The following TBC1D14 variants were observed in gnomAD, a reference collection of about 807,000 sequenced individuals.
TBC1D14 encodes the protein TBC1 domain family member 14, also known as TBC1 domain family, member 14.
A neutral mutation model predicts 79.0 loss-of-function variants in TBC1D14; 26 were observed. The ratio of observed to expected loss-of-function variants is 0.33; its 90% CI spans 0.24 to 0.46. TBC1D14 has a LOEUF of 0.46. Among genes scored for constraint, TBC1D14 ranks in the 20% least tolerant of loss-of-function variants. The probability of loss-of-function intolerance (pLI) is 1.00; values close to 1 mark genes in which losing one functional copy is unlikely to be tolerated. For missense variants in TBC1D14, 769 were observed against 887.6 expected (o/e 0.87, Z 1.70); for synonymous variants, 394 against 349.9 (o/e 1.13, Z -1.40).
At chr4:7,022,775 G>A (rs1014075870) in intron 12 of TBC1D14, among the ~76,000 whole-genome samples, 11 of 152,026 alleles carry the variant, frequency 7.2e-5, no homozygotes, top group African/African-American at 2.7e-4. Context: ...TTCATTACCT[G>A]TCTAGAGTAA....
At chr4:7,024,819 G>C (rs1722183094) in intron 12 of TBC1D14, among the ~76,000 whole-genome samples, 185 bp from the exon 13 acceptor site, 1 of 152,222 alleles carries the variant, frequency 6.6e-6, no homozygotes, top group African/African-American at 2.4e-5. Context: ...TGCGGAAGCT[G>C]ATAGTGCTGT....
At chr4:6,952,879 A>T (rs1714172220) in intron 2 of TBC1D14, among the ~76,000 whole-genome samples, 1 of 151,432 alleles carries the variant, frequency 6.6e-6, no homozygotes. Context: ...ATGGAGTCTC[A>T]CTCTGTCGCC....
intron 2 of TBC1D14, chr4:6,954,135 G>C: frequency 1.6e-6 from 1 of 607,888 alleles, no homozygotes; most frequent in Non-Finnish European, 3.0e-6. Flanking sequence ...CTTTCCGCCG[G>C]CCTGCTGGGT....
At chr4:6,987,304 G>A (rs1197542724) in intron 3 of TBC1D14, 5 of 1,385,968 alleles carry the variant, frequency 3.6e-6, no homozygotes, top group Non-Finnish European at 4.7e-6. Context: ...CCGCTCGCTG[G>A]GCATGGAGCC....
At chr4:6,979,551 T>C (rs945992710) in intron 3 of TBC1D14, among the ~76,000 whole-genome samples, 5 of 151,726 alleles carry the variant, frequency 3.3e-5, no homozygotes, top group African/African-American at 4.8e-5. Context: ...AGCCCAGGAG[T>C]TTGAGGTTAC....
intron 5 of TBC1D14, among the ~76,000 whole-genome samples, chr4:6,997,612 C>T (rs528991350): frequency 3.3e-5 from 5 of 151,834 alleles, no homozygotes; most frequent in South Asian, 2.1e-4. Flanking sequence ...GGTGACAGAG[C>T]GAGACTCCAT....
At chr4:6,919,724 G>A (rs1723685793) in intron 1 of TBC1D14, among the ~76,000 whole-genome samples, 1 of 151,760 alleles carries the variant, frequency 6.6e-6, no homozygotes, top group South Asian at 2.1e-4. Flanking sequence ...GGGTTCAAGC[G>A]ATTCTCCTGC....
rs369942316 is a variant in TBC1D14 at position 6,929,588 on chromosome 4, C to T, written c.722+5477C>T. Among the ~76,000 whole-genome samples the T allele has an allele frequency of 4.6e-5, 7 of 152,044 alleles. No homozygotes were observed. The South Asian group carries it at 1.5e-3, about 32-fold the overall frequency. On this transcript the variant is annotated intron_variant, in intron 2 of 13. Transcript: ENST00000409757. ...GAGCCCAGCCTTCCTGGGAAGGTGC[C>T]GTAGCATGAGGCGCTCAGGAGGGGC...
At position 7,031,607 on chromosome 4, in the gene TBC1D14, C is replaced by T. The variant is rs1320101821; in HGVS notation, c.*1215C>T. 2.6e-5 allele frequency: 4 copies of T among 152,186 alleles called. No individual in the cohort carries two copies. Among genetic ancestry groups the T allele is most frequent in the Non-Finnish European group, 2.9e-5 (2 of 68,036 alleles). 9.4% of individuals were successfully genotyped at this position (152,186 alleles called of 1,614,324 possible). A position where few individuals can be genotyped will look rare whatever the true frequency, so the allele number is the denominator to read the frequency against. On this transcript the variant is annotated 3_prime_UTR_variant, in exon 14 of 14. Transcript: ENST00000409757. The stretch of plus-strand genomic sequence containing the variant: ...GGTTATCCAAAATCACAGAAATGAA[C>T]CGTTTTGCAGCTGCGCAGTCTAAAG...
intron 12 of TBC1D14, among the ~76,000 whole-genome samples, chr4:7,016,350 T>C (rs1721276140): frequency 6.6e-6 from 1 of 152,144 alleles, no homozygotes; most frequent in Non-Finnish European, 1.5e-5. Context: ...ATTCAGCAAA[T>C]GGTGATTTTC....
At chr4:6,929,988 A>G (rs1577473712) in intron 2 of TBC1D14, among the ~76,000 whole-genome samples, 1 of 152,246 alleles carries the variant, frequency 6.6e-6, no homozygotes, top group Non-Finnish European at 1.5e-5. Context: ...TCTAAAAAAG[A>G]CAACACCCTG....
At chr4:7,012,477 CATT>C (rs1206929466) in intron 11 of TBC1D14, among the ~76,000 whole-genome samples, 31 of 152,068 alleles carry the variant, frequency 2.0e-4, no homozygotes, top group African/African-American at 6.3e-4. Flanking sequence ...GTGGACAAAG[CATT>C]ATGCACAAAG....
chr4:6,925,273 A>G (rs943410263), intron 2 of TBC1D14, among the ~76,000 whole-genome samples: 19 of 151,722 alleles, frequency 1.3e-4, no homozygotes, highest in African/African-American at 4.3e-4. Context: ...TCTCAAAAAA[A>G]CAAACAAACA....
At position 6,996,404 on chromosome 4, in the gene TBC1D14, C is replaced by T. The variant is rs1719047862; in HGVS notation, c.1042C>T (p.Arg348Ter). Residue 348 changes from arginine (R) to a stop codon, truncating the protein, a stop_gained, in exon 5 of 14, where the codon CGA becomes TGA. Coordinates refer to ENST00000409757, the MANE Select transcript of TBC1D14 (RefSeq NM_020773.3). LOFTEE classifies it high-confidence loss of function. Reference sequence around the variant, plus strand: ...AGAAATGGTGGTTCAGGCCAAAAAGCGAGGTAATGGGGTTCACACTTGATG... The same window carrying T: ...AGAAATGGTGGTTCAGGCCAAAAAGTGAGGTAATGGGGTTCACACTTGATG... ...YEEMVVQAKK[R>*]ELKEAQRRKK... 5 of 1,612,622 alleles carry T rather than the reference C, an allele frequency of 3.1e-6. No individual in the cohort carries two copies. The highest frequency in any genetic ancestry group is 4.2e-6 in the Non-Finnish European group (5 of 1,178,916).
intron 3 of TBC1D14, among the ~76,000 whole-genome samples, chr4:6,970,282 G>A (rs1191319866): frequency 6.6e-6 from 1 of 152,190 alleles, no homozygotes; most frequent in Non-Finnish European, 1.5e-5. Context: ...GCTCTGCTAC[G>A]GTTTGGTTGT....
chr4:6,940,296 C>G (rs906616928), intron 2 of TBC1D14, among the ~76,000 whole-genome samples: 1 of 152,202 alleles, frequency 6.6e-6, no homozygotes, highest in Non-Finnish European at 1.5e-5. Context: ...GTTGTTCAGC[C>G]CTGGTCTGTG....
At chr4:6,931,766 A>G (rs1711764703) in intron 2 of TBC1D14, among the ~76,000 whole-genome samples, 1 of 150,410 alleles carries the variant, frequency 6.6e-6, no homozygotes, top group East Asian at 1.9e-4. Context: ...GTTTCTCATC[A>G]TACATTCTTT....
At chr4:6,951,757 T>A (rs1714064176) in intron 2 of TBC1D14, among the ~76,000 whole-genome samples, 1 of 152,244 alleles carries the variant, frequency 6.6e-6, no homozygotes, top group Non-Finnish European at 1.5e-5. Context: ...GTCTGTTCTG[T>A]GAGTGTATTT....
intron 2 of TBC1D14, among the ~76,000 whole-genome samples, chr4:6,957,894 C>A (rs1490905531): frequency 2.0e-5 from 3 of 151,252 alleles, no homozygotes; most frequent in Non-Finnish European, 4.4e-5. Context: ...CAGAGTGAGA[C>A]TCTCAGGAAA....
Sources: allele counts gnomAD v4.1 joint callset (sites outside exome capture counted in the v4.1 genomes callset), GRCh38; gene constraint gnomAD v4.1.1; transcripts MANE v1.5; gene names NCBI Gene and HGNC (gene_info 2026-07-23, HGNC 2026-07-21).